The following SCAPER variants were observed in gnomAD, a reference collection of about 807,000 sequenced individuals.
The protein encoded by SCAPER is S phase cyclin A-associated protein in the endoplasmic reticulum.
A neutral mutation model predicts 182.2 loss-of-function variants in SCAPER; 98 were observed. That is an observed-to-expected ratio of 0.54 (90% CI 0.46 to 0.64). SCAPER has a LOEUF of 0.64. Among genes scored for constraint, SCAPER ranks in the 30% least tolerant of loss-of-function variants. The pLI is 0.00. For synonymous variants in SCAPER, 605 were observed against 564.6 expected (o/e 1.07, Z -1.01); for missense variants, 1,432 against 1,690.0 (o/e 0.85, Z 2.68).
At chr15:76,430,428 A>T (rs172244) in intron 26 of SCAPER, among the ~76,000 whole-genome samples, 15,563 of 152,222 alleles carry the variant, frequency 0.1, 930 homozygotes, top group African/African-American at 0.17. Flanking sequence ...CAGCCAAGAG[A>T]GGGGCTATAC....
intron 21 of SCAPER, among the ~76,000 whole-genome samples, chr15:76,638,406 G>A (rs1189701907): frequency 6.6e-6 from 1 of 152,008 alleles, no homozygotes; most frequent in African/African-American, 2.4e-5. Context: ...GTATAAAATA[G>A]ACATGGCAGT....
intron 23 of SCAPER, among the ~76,000 whole-genome samples, chr15:76,534,320 T>G (rs1159906066): frequency 1.3e-5 from 2 of 152,212 alleles, no homozygotes; most frequent in African/African-American, 2.4e-5. Flanking sequence ...AAGATCTTGT[T>G]TGACACTAGA....
At chr15:76,844,138 T>A (rs992539943) in intron 4 of SCAPER, among the ~76,000 whole-genome samples, 1 of 152,260 alleles carries the variant, frequency 6.6e-6, no homozygotes, top group South Asian at 2.1e-4. Context: ...TGGCTTACTA[T>A]GTCTAACTGC....
rs191590547 is a variant in SCAPER, at chr15:76,701,279, C to A, written c.2508+479G>T. On this transcript the variant is annotated intron_variant, in intron 20 of 31. Transcript: ENST00000563290. Reference sequence around the variant, plus strand: ...TAAATTCATAGATTAGCTATATCATCCAAGTTTCAAAAAGAGTTAAATGAA... The same window carrying A: ...TAAATTCATAGATTAGCTATATCATACAAGTTTCAAAAAGAGTTAAATGAA... Among the ~76,000 whole-genome samples, 551 of 151,970 alleles carry A rather than the reference C, an allele frequency of 3.6e-3. 5 individuals carry two copies. Among genetic ancestry groups the A allele is most frequent in the African/African-American group, 0.013 (532 of 41,450 alleles).
intron 3 of SCAPER, 68 bp downstream of exon 3, chr15:76,862,348 A>C: frequency 1.1e-6 from 1 of 939,646 alleles, no homozygotes; most frequent in Non-Finnish European, 1.6e-6. Context: ...TTTTCAGTCT[A>C]TCTCTTTAGG....
intron 7 of SCAPER, among the ~76,000 whole-genome samples, chr15:76,795,797 C>G (rs1283306406): frequency 6.6e-6 from 1 of 152,176 alleles, no homozygotes; most frequent in African/African-American, 2.4e-5. Flanking sequence ...CACAGTGGCT[C>G]ACACCTGTAG....
chr15:76,717,250 G>A (rs925512548), intron 17 of SCAPER, among the ~76,000 whole-genome samples: 2 of 151,642 alleles, frequency 1.3e-5, no homozygotes, highest in Non-Finnish European at 2.9e-5. Flanking sequence ...AAAGTTGAAG[G>A]AATTCACTGA....
At chr15:76,605,435 T>C (rs1346291547) in intron 22 of SCAPER, among the ~76,000 whole-genome samples, 6 of 152,234 alleles carry the variant, frequency 3.9e-5, no homozygotes, top group Non-Finnish European at 5.9e-5. Flanking sequence ...CAGTATTTTA[T>C]TGAGGATTTT....
chr15:76,812,628 G>A (rs962218381), intron 5 of SCAPER, among the ~76,000 whole-genome samples: 5 of 151,814 alleles, frequency 3.3e-5, no homozygotes, highest in Non-Finnish European at 7.4e-5. Context: ...TACAACAGAC[G>A]CCTTGAAAAT....
chr15:76,660,356 C>T (rs576383417), intron 21 of SCAPER, among the ~76,000 whole-genome samples: 8 of 152,268 alleles, frequency 5.3e-5, no homozygotes, highest in South Asian at 4.1e-4. Flanking sequence ...TTAACCTATG[C>T]AGTAAAGCTG....
intron 27 of SCAPER, among the ~76,000 whole-genome samples, chr15:76,397,007 G>GTT (rs61586857): frequency 1.6e-4 from 19 of 121,156 alleles, no homozygotes; most frequent in African/African-American, 2.0e-4. Context: ...TTTTTTGAGA[G>GTT]TTTTTTTTTT....
intron 22 of SCAPER, among the ~76,000 whole-genome samples, chr15:76,606,827 T>C (rs1473609379): frequency 6.6e-6 from 1 of 152,150 alleles, no homozygotes; most frequent in Admixed American, 6.5e-5. Flanking sequence ...TATCAGAGAC[T>C]AGGATTGCAA....
chr15:76,846,997 G>A (rs1599065681), intron 4 of SCAPER, among the ~76,000 whole-genome samples: 1 of 151,976 alleles, frequency 6.6e-6, no homozygotes, highest in African/African-American at 2.4e-5. Context: ...ACAATGAAGT[G>A]CTTGCTATTC....
intron 21 of SCAPER, among the ~76,000 whole-genome samples, chr15:76,653,355 G>GA (rs907355513): frequency 1.3e-5 from 2 of 152,076 alleles, no homozygotes; most frequent in African/African-American, 4.8e-5. Flanking sequence ...CACAAAATTA[G>GA]AAAAAATGAT....
intron 27 of SCAPER, among the ~76,000 whole-genome samples, chr15:76,383,350 G>T (rs1006498409): frequency 1.3e-5 from 2 of 152,096 alleles, no homozygotes; most frequent in Non-Finnish European, 2.9e-5. Flanking sequence ...TTTTTCCAAA[G>T]AAATCATTTT....
chr15:76,608,079 GGAGGA>G (rs1292214152), intron 22 of SCAPER, among the ~76,000 whole-genome samples: 1 of 152,204 alleles, frequency 6.6e-6, no homozygotes, highest in Non-Finnish European at 1.5e-5. Context: ...TTCCTTTGCA[GGAGGA>G]GAGGCGCTCT....
intron 20 of SCAPER, among the ~76,000 whole-genome samples, chr15:76,676,243 C>CT (rs1419547370): frequency 2.0e-5 from 3 of 152,294 alleles, no homozygotes; most frequent in African/African-American, 7.2e-5. Context: ...TGATGGCATC[C>CT]TTTCTTAACA....
chr15:76,707,768 A>G (rs2059334953), intron 17 of SCAPER, among the ~76,000 whole-genome samples: 1 of 152,170 alleles, frequency 6.6e-6, no homozygotes, highest in African/African-American at 2.4e-5. Flanking sequence ...TGACATTTAG[A>G]GAACACTCCA....
chr15:76,835,492 C>T (rs2068849358), intron 5 of SCAPER, among the ~76,000 whole-genome samples: 2 of 152,142 alleles, frequency 1.3e-5, no homozygotes, highest in Admixed American at 6.5e-5. Context: ...TAAAATTCAA[C>T]ATCACTTCAT....
Sources: gnomAD v4.1 joint callset for allele counts (sites outside exome capture counted in the v4.1 genomes callset) on GRCh38, gnomAD v4.1.1 for gene constraint, MANE v1.5 for transcripts, NCBI Gene and HGNC (gene_info 2026-07-23, HGNC 2026-07-21) for gene names.